Variants in IGF2BP3 observed in about 807,000 individuals in gnomAD.
The protein encoded by IGF2BP3 is insulin like growth factor 2 mRNA binding protein 3, also known as insulin-like growth factor 2 mRNA-binding protein 3.
In IGF2BP3, 9 loss-of-function variants were observed where a neutral mutation model predicts 73.8. The ratio of observed to expected loss-of-function variants is 0.12; its 90% CI spans 0.07 to 0.21. The LOEUF (loss-of-function observed/expected upper bound fraction) is 0.21. Among genes scored for constraint, IGF2BP3 ranks in the 10% least tolerant of loss-of-function variants. The pLI, the probability that IGF2BP3 is intolerant of heterozygous loss-of-function variation, is 1.00. For missense variants in IGF2BP3, 542 were observed against 714.0 expected (o/e 0.76, Z 2.75); for synonymous variants, 258 against 256.7 (o/e 1.01, Z -0.05).
At chr7:23,429,583 T>C (rs1384762962) in intron 2 of IGF2BP3, among the ~76,000 whole-genome samples, 1 of 152,182 alleles carries the variant, frequency 6.6e-6, no homozygotes, top group Non-Finnish European at 1.5e-5. Flanking sequence ...ATTCAAAAGA[T>C]AAAAATATAT....
intron 5 of IGF2BP3, among the ~76,000 whole-genome samples, chr7:23,357,527 C>T (rs556144660): frequency 2.0e-5 from 3 of 152,324 alleles, no homozygotes; most frequent in Non-Finnish European, 2.9e-5. Flanking sequence ...CTTTGTCACA[C>T]ATGACAAATC....
rs551147330 is a variant in IGF2BP3, at chr7:23,409,594, G to A, written c.285+9182C>T. Among the ~76,000 whole-genome samples the A allele has an allele frequency of 6.6e-5, 10 of 152,196 alleles. No homozygotes were observed. In the East Asian group the frequency reaches 1.7e-3, roughly 26 times the overall value. ...TCCAGAAACAGACCCACACAAATAT[G>A]GTCAATTGATTTGTAACAAAAGTGT... On this transcript the variant is annotated intron_variant, in intron 3 of 14. Coordinates refer to ENST00000258729, the MANE Select transcript of IGF2BP3 (RefSeq NM_006547.3).
intron 10 of IGF2BP3, among the ~76,000 whole-genome samples, chr7:23,333,146 T>C (rs145302073): frequency 8.1e-4 from 124 of 152,318 alleles, no homozygotes; most frequent in African/African-American, 2.1e-3. Context: ...AATAAGAGCA[T>C]AGGGAACTGA....
At chr7:23,457,006 G>A (rs143566084) in intron 2 of IGF2BP3, among the ~76,000 whole-genome samples, 64 of 152,090 alleles carry the variant, frequency 4.2e-4, no homozygotes, top group African/African-American at 1.4e-3. Context: ...CCAAAATCGC[G>A]CCACTGCACT....
At chr7:23,342,690 C>A (rs1222373863) in intron 9 of IGF2BP3, among the ~76,000 whole-genome samples, 1 of 152,066 alleles carries the variant, frequency 6.6e-6, no homozygotes, top group Non-Finnish European at 1.5e-5. Flanking sequence ...GTAACTACTG[C>A]AAGTAAACAT....
intron 2 of IGF2BP3, among the ~76,000 whole-genome samples, chr7:23,447,334 A>G (rs551197576): frequency 1.3e-5 from 2 of 151,842 alleles, no homozygotes; most frequent in African/African-American, 2.4e-5. Flanking sequence ...AAAGTCATTA[A>G]ATCAAATGAA....
intron 3 of IGF2BP3, among the ~76,000 whole-genome samples, chr7:23,377,101 CAA>C (rs927177857): frequency 3.3e-5 from 5 of 150,394 alleles, no homozygotes; most frequent in African/African-American, 1.2e-4. Context: ...ATGTTTATGA[CAA>C]AATTTAAAAA....
At chr7:23,335,438 C>A (rs886746782) in intron 10 of IGF2BP3, among the ~76,000 whole-genome samples, 1 of 151,960 alleles carries the variant, frequency 6.6e-6, no homozygotes, top group Admixed American at 6.6e-5. Flanking sequence ...AGGCCACCAC[C>A]CCCGGCTAAT....
chr7:23,440,462 T>C (rs1013680351), intron 2 of IGF2BP3, among the ~76,000 whole-genome samples: 2 of 152,150 alleles, frequency 1.3e-5, no homozygotes, highest in African/African-American at 4.8e-5. Flanking sequence ...ATTTGAAAAA[T>C]CATCATAAAC....
At chr7:23,404,196 C>T (rs2128527250) in intron 3 of IGF2BP3, among the ~76,000 whole-genome samples, 1 of 151,028 alleles carries the variant, frequency 6.6e-6, no homozygotes, top group South Asian at 2.1e-4. Context: ...TCGACACAAC[C>T]CACATGTGTG....
At chr7:23,404,277 G>A (rs947211436) in intron 3 of IGF2BP3, among the ~76,000 whole-genome samples, 1 of 152,102 alleles carries the variant, frequency 6.6e-6, no homozygotes, top group African/African-American at 2.4e-5. Context: ...TATGAGAGTA[G>A]GCATAAAAAT....
chr7:23,321,032 T>C (rs1482099030), intron 10 of IGF2BP3, among the ~76,000 whole-genome samples: 2 of 151,784 alleles, frequency 1.3e-5, no homozygotes, highest in African/African-American at 4.8e-5. Flanking sequence ...CAAATGTTTC[T>C]AGAAATATTA....
intron 2 of IGF2BP3, 109 bp downstream of exon 2, chr7:23,468,373 C>G: frequency 9.1e-7 from 1 of 1,100,988 alleles, no homozygotes; most frequent in African/African-American, 1.5e-5. Flanking sequence ...CGGAACACCA[C>G]GCCACACGGC....
chr7:23,368,207 G>T (rs966087721), intron 3 of IGF2BP3, among the ~76,000 whole-genome samples: 25 of 151,936 alleles, frequency 1.6e-4, no homozygotes, highest in African/African-American at 6.0e-4. Context: ...TTGTACAATG[G>T]AATATTATTC....
At chr7:23,326,947 T>G (rs1046281652) in intron 10 of IGF2BP3, among the ~76,000 whole-genome samples, 1 of 145,742 alleles carries the variant, frequency 6.9e-6, no homozygotes, top group Admixed American at 6.9e-5. Flanking sequence ...GGGATAGCAC[T>G]GGGAGATATA....
rs182501899 is a variant in IGF2BP3, at chr7:23,384,279, G to A, written c.286-22538C>T. ...GATTAGCAGATGCTTAGGACTAAGT[G>A]GGGTGGGGTGATAGGGGTTCAGTGG... is the stretch of plus-strand genomic sequence containing the variant. On this transcript the variant is annotated intron_variant, in intron 3 of 14. Transcript: ENST00000258729. Among the ~76,000 whole-genome samples, 305 of 152,078 alleles carry A rather than the reference G, an allele frequency of 2.0e-3. 1 individual carries two copies. Among genetic ancestry groups the A allele is most frequent in the Middle Eastern group, 0.01 (3 of 294 alleles).
At chr7:23,359,113 C>T (rs1031149689) in intron 5 of IGF2BP3, among the ~76,000 whole-genome samples, 5 of 152,210 alleles carry the variant, frequency 3.3e-5, no homozygotes, top group Non-Finnish European at 7.3e-5. Flanking sequence ...TCAACAGAAG[C>T]CTACCAATCT....
At chr7:23,399,881 A>T (rs1200372989) in intron 3 of IGF2BP3, among the ~76,000 whole-genome samples, 2 of 152,200 alleles carry the variant, frequency 1.3e-5, no homozygotes, top group Admixed American at 6.5e-5. Flanking sequence ...TAGAGAGTTT[A>T]AAAAGTCACT....
At chr7:23,427,763 T>C (rs1434935527) in intron 2 of IGF2BP3, among the ~76,000 whole-genome samples, 1 of 152,006 alleles carries the variant, frequency 6.6e-6, no homozygotes, top group Non-Finnish European at 1.5e-5. Flanking sequence ...ATCCCAGCAC[T>C]TCAGGAGGCT....
Sources: allele counts gnomAD v4.1 joint callset (sites outside exome capture counted in the v4.1 genomes callset), GRCh38; gene constraint gnomAD v4.1.1; transcripts MANE v1.5; gene names NCBI Gene and HGNC (gene_info 2026-07-23, HGNC 2026-07-21).